NXPH2: variants seen among roughly 807,000 people sequenced by gnomAD.
NXPH2 encodes neurexophilin 2.
A neutral mutation model predicts 19.8 loss-of-function variants in NXPH2; 5 were observed. The observed-to-expected ratio is 0.25, with a 90% CI of 0.13 to 0.53. NXPH2 has a LOEUF of 0.53. Among genes scored for constraint, NXPH2 ranks in the 20% least tolerant of loss-of-function variants. The pLI, the probability that NXPH2 is intolerant of heterozygous loss-of-function variation, is 0.96. For missense variants in NXPH2, 289 were observed against 322.8 expected (o/e 0.90, Z 0.80); for synonymous variants, 154 against 127.4 (o/e 1.21, Z -1.41).
rs114004342 is a variant in NXPH2, at chr2:138,714,440, G to C, written c.52-42775C>G. ...AATATCTCTGAATTACTAGAAATGG[G>C]GTAACTTTTCTCATTAATTAGAAGA... On this transcript the variant is annotated intron_variant, in intron 1 of 1. Transcript: ENST00000272641. Among the ~76,000 whole-genome samples, 1,226 of 152,032 alleles carry C rather than the reference G, an allele frequency of 8.1e-3. 17 individuals are homozygous for C. The highest frequency in any genetic ancestry group is 0.028 in the African/African-American group (1,151 of 41,466).
At chr2:138,716,630 C>T (rs72485525) in intron 1 of NXPH2, among the ~76,000 whole-genome samples, 8,678 of 152,234 alleles carry the variant, frequency 0.057, 422 homozygotes, top group East Asian at 0.22. Flanking sequence ...AACAGGTATT[C>T]GGTCCTTTTC....
rs567421322 is a variant in NXPH2, at chr2:138,728,951, A to G, written c.51+51240T>C. 7.9e-5 allele frequency among the ~76,000 whole-genome samples: 12 copies of G among 152,318 alleles called. No homozygotes were observed. The South Asian group carries it at 1.9e-3, about 24-fold the overall frequency. ...TGGTACACTATGGCCTTAAACCTTA[A>G]TAAGGTCTCTTAGGAATCTAATCAA... On this transcript the variant is annotated intron_variant, in intron 1 of 1. Coordinates refer to ENST00000272641, the MANE Select transcript of NXPH2 (RefSeq NM_007226.3).
At chr2:138,739,273 G>A (rs1218305314) in intron 1 of NXPH2, among the ~76,000 whole-genome samples, 2 of 152,182 alleles carry the variant, frequency 1.3e-5, no homozygotes, top group Non-Finnish European at 2.9e-5. Flanking sequence ...GGAAGAGAAA[G>A]AGAACGAGGG....
intron 1 of NXPH2, among the ~76,000 whole-genome samples, chr2:138,739,976 T>C (rs1033194499): frequency 6.6e-6 from 1 of 152,166 alleles, no homozygotes; most frequent in Admixed American, 6.5e-5. Flanking sequence ...GTTCCCATAA[T>C]AGCTGTGGTA....
At position 138,671,707 on chromosome 2, in the gene NXPH2, C is replaced by A. The variant is rs750224747; in HGVS notation, c.52-42G>T. 10 of 1,508,442 alleles carry A rather than the reference C, an allele frequency of 6.6e-6. No homozygotes were observed. The African/African-American group carries it at 1.1e-4, about 17-fold the overall frequency. 93.4% of individuals were successfully genotyped at this position (1,508,442 alleles called of 1,614,324 possible). ...AAGAGAAATAAACTTTAGGTTAGTGCCGTGACTGCGCACTCAAACTGAAGT... is the reference window on the plus strand; with the variant it reads ...AAGAGAAATAAACTTTAGGTTAGTGACGTGACTGCGCACTCAAACTGAAGT... On this transcript the variant is annotated intron_variant, in intron 1 of 1. Transcript: ENST00000272641.
rs1282157749 is a variant in NXPH2 at position 138,670,873 on chromosome 2, A to G, written c.*49T>C. The G allele has an allele frequency of 6.5e-7, 1 of 1,546,956 alleles. No individual in the cohort carries two copies. Among genetic ancestry groups the G allele is most frequent in the Admixed American group, 1.9e-5 (1 of 52,608 alleles). On this transcript the variant is annotated 3_prime_UTR_variant, in exon 2 of 2. Coordinates refer to ENST00000272641, the MANE Select transcript of NXPH2 (RefSeq NM_007226.3). Reference sequence around the variant, plus strand: ...AAAGAGCTGGGCTTGTTTCTTTGTCATTCTAATCAAATACATATGTATCCC... The same window carrying G: ...AAAGAGCTGGGCTTGTTTCTTTGTCGTTCTAATCAAATACATATGTATCCC...
At chr2:138,746,507 G>A (rs1251106533) in intron 1 of NXPH2, among the ~76,000 whole-genome samples, 2 of 152,230 alleles carry the variant, frequency 1.3e-5, no homozygotes, top group Non-Finnish European at 2.9e-5. Flanking sequence ...GTCTGTGACA[G>A]ACCTCAGGGC....
At chr2:138,748,615 C>T (rs781040958) in intron 1 of NXPH2, among the ~76,000 whole-genome samples, 102 of 152,088 alleles carry the variant, frequency 6.7e-4, no homozygotes, top group Non-Finnish European at 1.2e-3. Flanking sequence ...CTTACATGCA[C>T]GCACACACAT....
At chr2:138,730,373 T>G (rs1319846805) in intron 1 of NXPH2, among the ~76,000 whole-genome samples, 1 of 152,078 alleles carries the variant, frequency 6.6e-6, no homozygotes, top group Non-Finnish European at 1.5e-5. Context: ...AATTACCTTT[T>G]TAAAGGCTCT....
chr2:138,717,477 T>G (rs745385134), intron 1 of NXPH2, among the ~76,000 whole-genome samples: 2 of 151,456 alleles, frequency 1.3e-5, no homozygotes, highest in Non-Finnish European at 2.9e-5. Flanking sequence ...TGTTTTCTGG[T>G]TCACAAATGG....
chr2:138,743,258 TA>T (rs35691728), intron 1 of NXPH2, among the ~76,000 whole-genome samples: 4 of 151,240 alleles, frequency 2.6e-5, no homozygotes, highest in East Asian at 1.9e-4. Context: ...TCCACCTTAG[TA>T]AAAAAAAAGA....
intron 1 of NXPH2, among the ~76,000 whole-genome samples, chr2:138,678,691 A>G (rs1048879904): frequency 1.3e-5 from 2 of 152,302 alleles, no homozygotes; most frequent in Non-Finnish European, 1.5e-5. Flanking sequence ...AATTCCCTAA[A>G]AATTGTACCC....
chr2:138,703,956 C>A (rs139992637), intron 1 of NXPH2, among the ~76,000 whole-genome samples: 1 of 152,162 alleles, frequency 6.6e-6, no homozygotes, highest in Non-Finnish European at 1.5e-5. Context: ...GCTTTTCCTG[C>A]GCCACCAGCC....
chr2:138,730,372 T>C (rs1223204019), intron 1 of NXPH2, among the ~76,000 whole-genome samples: 8 of 152,122 alleles, frequency 5.3e-5, no homozygotes, highest in Non-Finnish European at 1.2e-4. Flanking sequence ...AAATTACCTT[T>C]TTAAAGGCTC....
intron 1 of NXPH2, among the ~76,000 whole-genome samples, chr2:138,757,286 G>C (rs538225221): frequency 2.0e-5 from 3 of 152,174 alleles, no homozygotes; most frequent in Non-Finnish European, 4.4e-5. Flanking sequence ...GATGGGCCAT[G>C]AGAGAGATTC....
At chr2:138,771,775 T>C (rs2104844453) in intron 1 of NXPH2, among the ~76,000 whole-genome samples, 1 of 152,290 alleles carries the variant, frequency 6.6e-6, no homozygotes, top group African/African-American at 2.4e-5. Context: ...TTTCATACTC[T>C]GACATCTGTC....
At position 138,684,718 on chromosome 2, in the gene NXPH2, G is replaced by A. The variant is rs190898406; in HGVS notation, c.52-13053C>T. 1.3e-4 allele frequency among the ~76,000 whole-genome samples: 20 copies of A among 152,194 alleles called. 1 individual carries two copies. The South Asian group carries it at 1.7e-3, about 13-fold the overall frequency. On this transcript the variant is annotated intron_variant, in intron 1 of 1. Transcript: ENST00000272641. ...GACCAGAAGGAACTGGGACTGTTCC[G>A]GGCAGGAGCAAGCTCATTGTCCTCT...
chr2:138,690,583 GA>G (rs57093369), intron 1 of NXPH2, among the ~76,000 whole-genome samples: 1,466 of 135,872 alleles, frequency 0.011, 10 homozygotes, highest in South Asian at 0.02. Flanking sequence ...CTCAGAAATT[GA>G]AAAAAAAAAA....
intron 1 of NXPH2, among the ~76,000 whole-genome samples, chr2:138,711,872 A>T (rs1013452492): frequency 4.6e-5 from 7 of 152,204 alleles, no homozygotes; most frequent in Non-Finnish European, 1.0e-4. Context: ...CACTCTAGCT[A>T]GAAGTAAAAT....
Sources: allele counts gnomAD v4.1 joint callset (sites outside exome capture counted in the v4.1 genomes callset), GRCh38; gene constraint gnomAD v4.1.1; transcripts MANE v1.5; gene names NCBI Gene and HGNC (gene_info 2026-07-23, HGNC 2026-07-21).